The following FBN1 variants were observed in gnomAD, a reference collection of about 807,000 sequenced individuals.
FBN1 encodes fibrillin 1.
A neutral mutation model predicts 365.1 loss-of-function variants in FBN1; 29 were observed. The observed-to-expected ratio is 0.08, with a 90% confidence interval of 0.06 to 0.11. FBN1 has a LOEUF of 0.11. Ranked by LOEUF, FBN1 falls within the 10% of genes least tolerant of loss-of-function variation. FBN1 has a pLI of 1.00. For synonymous variants in FBN1, 1,210 were observed against 1,270.5 expected, an observed-to-expected ratio of 0.95 and a Z score of 1.01; for missense variants, 2,476 against 3,703.2, an observed-to-expected ratio of 0.67 and a Z score of 8.60.
intron 2 of FBN1, among the ~76,000 whole-genome samples, chr15:48,626,553 G>A (rs1889885326): frequency 6.6e-6 from 1 of 152,038 alleles, no homozygotes; most frequent in African/African-American, 2.4e-5. Context: ...TCAAAACAGG[G>A]ACAATATTGT....
At position 48,526,194 on chromosome 15, in the gene FBN1, G is replaced by A. The variant is rs745503374; in HGVS notation, c.924C>T (p.Val308=). The change falls in exon 9 of 66, where the codon GTC becomes GTT. Residue 308 remains valine (V), a synonymous_variant. Coordinates refer to ENST00000316623, the MANE Select transcript of FBN1 (RefSeq NM_000138.5). ...GGGGACATTTGCAAAAGTAACTGCT[G>A]ACTGTGTTTGTACATTCACCCCCTT... The part of the protein sequence containing the change: ...ICEGGECTNT[V]SSYFCKCPPG... The A allele has an allele frequency of 6.2e-7, 1 of 1,614,046 alleles. No homozygotes were observed.
At chr15:48,412,785 G>T (rs759369871) in intron 64 of FBN1, 42 bp from the exon 65 acceptor site, 1 of 1,610,532 alleles carries the variant, frequency 6.2e-7, no homozygotes, top group Admixed American at 1.7e-5. Context: ...ATTAGAATGG[G>T]AAGACAAGGT....
chr15:48,621,402 CT>C (rs1889762393), intron 2 of FBN1, among the ~76,000 whole-genome samples: 1 of 152,126 alleles, frequency 6.6e-6, no homozygotes, highest in African/African-American at 2.4e-5. Context: ...GGAACTTTAC[CT>C]CTGTGGTCTT....
At chr15:48,607,260 T>C (rs2044620597) in intron 4 of FBN1, among the ~76,000 whole-genome samples, 1 of 151,374 alleles carries the variant, frequency 6.6e-6, no homozygotes, top group African/African-American at 2.4e-5. Flanking sequence ...AATTACAAAA[T>C]AGAAAATACA....
chr15:48,511,635 T>C (rs1354624712), intron 13 of FBN1, among the ~76,000 whole-genome samples: 2 of 152,210 alleles, frequency 1.3e-5, no homozygotes, highest in South Asian at 2.1e-4. Flanking sequence ...CCTCACTTAC[T>C]TCCCAGTTAT....
chr15:48,610,859 G>T, intron 3 of FBN1, 33 bp from the exon 4 acceptor site: 1 of 1,569,574 alleles, frequency 6.4e-7, no homozygotes, highest in Non-Finnish European at 8.8e-7. Context: ...TTAGCACATG[G>T]ATTTGGAACA....
chr15:48,615,639 G>C (rs915258566), intron 2 of FBN1, among the ~76,000 whole-genome samples: 1 of 152,126 alleles, frequency 6.6e-6, no homozygotes, highest in Non-Finnish European at 1.5e-5. Flanking sequence ...TGGGAGGAAA[G>C]GTGTGGCAGT....
intron 2 of FBN1, chr15:48,643,552 AG>A (rs1323939305): frequency 6.6e-6 from 1 of 152,204 alleles, no homozygotes; most frequent in Admixed American, 6.5e-5. Context: ...ACAAAAAAAG[AG>A]TAAGTGAAAT....
At chr15:48,629,989 G>C (rs1024154409) in intron 2 of FBN1, among the ~76,000 whole-genome samples, 2 of 152,174 alleles carry the variant, frequency 1.3e-5, no homozygotes, top group African/African-American at 2.4e-5. Flanking sequence ...TGTTAAATCA[G>C]TGGCAAGAAC....
At chr15:48,596,261 A>G in intron 6 of FBN1, 22 bp downstream of exon 6, 1 of 1,603,930 alleles carries the variant, frequency 6.2e-7, no homozygotes, top group Non-Finnish European at 8.5e-7. Flanking sequence ...GTCTTTACGT[A>G]AATGATTTTA....
intron 30 of FBN1, 113 bp from the exon 31 acceptor site, chr15:48,484,056 T>C: frequency 1.9e-6 from 2 of 1,058,428 alleles, no homozygotes; most frequent in East Asian, 2.5e-5. Flanking sequence ...ATAAGACTAT[T>C]AACTCTCAAA....
chr15:48,621,357 G>A (rs913615982), intron 2 of FBN1, among the ~76,000 whole-genome samples: 1 of 152,124 alleles, frequency 6.6e-6, no homozygotes, highest in Non-Finnish European at 1.5e-5. Context: ...AAATCATGTT[G>A]ATACTATAAA....
At chr15:48,572,600 C>G (rs12915677) in intron 6 of FBN1, among the ~76,000 whole-genome samples, 1 of 150,934 alleles carries the variant, frequency 6.6e-6, no homozygotes, top group African/African-American at 2.4e-5. Flanking sequence ...TTGTCTAAAA[C>G]GGCATTTTTA....
chr15:48,533,940 T>TA, intron 8 of FBN1, 140 bp downstream of exon 8: 1 of 1,284,334 alleles, frequency 7.8e-7, no homozygotes, highest in East Asian at 2.4e-5. Context: ...TTATTACTGT[T>TA]AAAAATATTA....
intron 65 of FBN1, among the ~76,000 whole-genome samples, chr15:48,412,216 G>A (rs1275367438): frequency 6.6e-6 from 1 of 152,210 alleles, no homozygotes; most frequent in African/African-American, 2.4e-5. Context: ...TTCAGAACTT[G>A]GCATTCCTAT....
intron 2 of FBN1, among the ~76,000 whole-genome samples, chr15:48,619,994 C>T (rs1889736643): frequency 6.6e-6 from 1 of 152,144 alleles, no homozygotes; most frequent in South Asian, 2.1e-4. Flanking sequence ...TATTGAGATA[C>T]ATTTGGTTGT....
At chr15:48,492,299 T>C (rs1441286984) in intron 24 of FBN1, among the ~76,000 whole-genome samples, 162 bp downstream of exon 24, 2 of 152,212 alleles carry the variant, frequency 1.3e-5, no homozygotes, top group Non-Finnish European at 2.9e-5. Flanking sequence ...TGCTTACTAT[T>C]TGAAAGACTG....
intron 6 of FBN1, among the ~76,000 whole-genome samples, chr15:48,570,253 T>C (rs1254724899): frequency 1.3e-5 from 2 of 152,230 alleles, no homozygotes; most frequent in Non-Finnish European, 1.5e-5. Flanking sequence ...TCCAAACTAA[T>C]CCTAGGACTT....
In FBN1 at chr15:48,541,335, C is replaced by T. The variant is rs969905844; in HGVS notation, c.539-3527G>A. On this transcript the variant is annotated intron_variant, in intron 6 of 65. Transcript: ENST00000316623. ...ACATTTCTGTGCTAGATATTTATCA[C>T]TATAGACAAAGTTATTTTGGAAACA... 2.6e-5 allele frequency among the ~76,000 whole-genome samples: 4 copies of T among 152,132 alleles called. 1 individual carries two copies. The highest frequency in any genetic ancestry group is 4.4e-5 in the Non-Finnish European group (3 of 68,018).
Sources: gnomAD v4.1 joint callset for allele counts (sites outside exome capture counted in the v4.1 genomes callset) on GRCh38, gnomAD v4.1.1 for gene constraint, MANE v1.5 for transcripts, NCBI Gene and HGNC (gene_info 2026-07-23, HGNC 2026-07-21) for gene names.